The following BCAS3 variants were observed in gnomAD, a reference collection of about 807,000 sequenced individuals.
BCAS3 encodes the protein BCAS4/BCAS3 fusion.
In BCAS3, 53 loss-of-function variants were observed where a neutral mutation model predicts 116.1. That is an observed-to-expected ratio of 0.46 (90% CI 0.37 to 0.57). BCAS3 has a LOEUF of 0.57. Ranked by LOEUF, BCAS3 falls within the 20% of genes least tolerant of loss-of-function variation. BCAS3 has a pLI of 0.00. For missense variants in BCAS3, 917 were observed against 1,165.4 expected, an observed-to-expected ratio of 0.79 and a Z score of 3.10; for synonymous variants, 391 against 408.2, an observed-to-expected ratio of 0.96 and a Z score of 0.51.
chr17:61,183,517 A>C lies in BCAS3; in HGVS notation c.2425+98953A>C, dbSNP rs115350840. ...ACATATGTTTGTTATATTTTTCTAC[A>C]TGATGTTTGTTAAGATGTTTAAAAT... is the stretch of plus-strand genomic sequence containing the variant. On this transcript the variant is annotated intron_variant, in intron 22 of 23. Coordinates refer to ENST00000407086, the MANE Select transcript of BCAS3 (RefSeq NM_017679.5). Among the ~76,000 whole-genome samples, 318 of 152,268 alleles carry C rather than the reference A, an allele frequency of 2.1e-3. 1 individual carries two copies. The highest frequency in any genetic ancestry group is 7.4e-3 in the African/African-American group (308 of 41,564).
chr17:61,124,364 T>A lies in BCAS3; in HGVS notation c.2425+39800T>A, dbSNP rs1487646711. On this transcript the variant is annotated intron_variant, in intron 22 of 23. Transcript: ENST00000407086. This position sits in a 1 kb window ranked among gnomAD's most constrained non-coding sequence, Gnocchi z 4.6. ...AGATATAGCTTTTACTTGATCTGAA[T>A]TTGTCAGTCTATAAAAGTAGGGATT... Among the ~76,000 whole-genome samples the A allele has an allele frequency of 6.6e-6, 1 of 152,156 alleles. No individual in the cohort carries two copies. Among genetic ancestry groups the A allele is most frequent in the Non-Finnish European group, 1.5e-5 (1 of 68,012 alleles).
rs1453856746 is a variant in BCAS3 at position 61,065,677 on chromosome 17, A to G, written c.2030-9243A>G. Among the ~76,000 whole-genome samples the G allele has an allele frequency of 6.6e-6, 1 of 152,172 alleles. No homozygotes were observed. The highest frequency in any genetic ancestry group is 1.5e-5 in the Non-Finnish European group (1 of 68,006). On this transcript the variant is annotated intron_variant, in intron 19 of 23. Transcript: ENST00000407086. The surrounding 1 kb of genome is among the most constrained non-coding windows in gnomAD (Gnocchi z 4.8). Reference sequence around the variant, plus strand: ...AAAACTTTCACGTGCTAAGGGTTTTATTGTTTGTGGAGGAAGGGTGGGGAT... The same window carrying G: ...AAAACTTTCACGTGCTAAGGGTTTTGTTGTTTGTGGAGGAAGGGTGGGGAT...
At position 61,215,099 on chromosome 17, in the gene BCAS3, C is replaced by T. The variant is rs1360771868; in HGVS notation, c.2425+130535C>T. Among the ~76,000 whole-genome samples the T allele has an allele frequency of 1.3e-5, 2 of 152,094 alleles. No individual in the cohort carries two copies. Among genetic ancestry groups the T allele is most frequent in the African/African-American group, 4.8e-5 (2 of 41,398 alleles). On this transcript the variant is annotated intron_variant, in intron 22 of 23. Coordinates refer to ENST00000407086, the MANE Select transcript of BCAS3 (RefSeq NM_017679.5). This position sits in a 1 kb window ranked among gnomAD's most constrained non-coding sequence, Gnocchi z 4.8. Reference sequence around the variant, plus strand: ...CATATTATCTATTATTATAGTTTTTCCTAATCTACCCCTTGACTTAATCTA... The same window carrying T: ...CATATTATCTATTATTATAGTTTTTTCTAATCTACCCCTTGACTTAATCTA...
chr17:60,873,708 G>GA (rs2055334231), intron 8 of BCAS3, among the ~76,000 whole-genome samples: 1 of 152,188 alleles, frequency 6.6e-6, no homozygotes, highest in Non-Finnish European at 1.5e-5. Flanking sequence ...GAGTCAATCA[G>GA]AAATGACTTA....
chr17:61,223,313 C>A (rs1000046407), intron 22 of BCAS3, among the ~76,000 whole-genome samples: 3 of 151,970 alleles, frequency 2.0e-5, no homozygotes, highest in Non-Finnish European at 4.4e-5. Context: ...TGTGCCACCA[C>A]GCCTGGCTAA....
intron 6 of BCAS3, among the ~76,000 whole-genome samples, chr17:60,771,551 A>G (rs1161484458): frequency 7.8e-6 from 1 of 128,756 alleles, no homozygotes; most frequent in Non-Finnish European, 1.5e-5. Context: ...AGTGACGGGT[A>G]TCTTTTTTTT....
rs1474208605 is a variant in BCAS3, at chr17:61,073,109, C to T, written c.2030-1811C>T. On this transcript the variant is annotated intron_variant, in intron 19 of 23. Transcript: ENST00000407086. This position sits in a 1 kb window ranked among gnomAD's most constrained non-coding sequence, Gnocchi z 4.6. Reference sequence around the variant, plus strand: ...TACTTATCAGCCTTTCAATGTATATCAATTATTTCCAAAAGAATGCTGAAA... The same window carrying T: ...TACTTATCAGCCTTTCAATGTATATTAATTATTTCCAAAAGAATGCTGAAA... Among the ~76,000 whole-genome samples the T allele has an allele frequency of 6.6e-6, 1 of 152,152 alleles. No homozygotes were observed. The highest frequency in any genetic ancestry group is 1.5e-5 in the Non-Finnish European group (1 of 68,034).
At chr17:61,038,372 C>T (rs1805701836) in intron 18 of BCAS3, among the ~76,000 whole-genome samples, 1 of 150,642 alleles carries the variant, frequency 6.6e-6, no homozygotes, top group South Asian at 2.1e-4. Flanking sequence ...CCTGCCTCAG[C>T]CACTTGAGTA....
At chr17:60,831,072 G>A (rs1285347922) in intron 7 of BCAS3, among the ~76,000 whole-genome samples, 2 of 151,888 alleles carry the variant, frequency 1.3e-5, no homozygotes, top group South Asian at 2.1e-4. Flanking sequence ...GGCTGGTCTC[G>A]AACTCCTGAA....
chr17:61,195,338 T>C (rs2144251694), intron 22 of BCAS3, among the ~76,000 whole-genome samples: 1 of 152,224 alleles, frequency 6.6e-6, no homozygotes, highest in East Asian at 1.9e-4. Flanking sequence ...ACTGTGCATC[T>C]CTCCACCAGC....
intron 22 of BCAS3, among the ~76,000 whole-genome samples, chr17:61,094,592 A>G (rs1009698145): frequency 2.6e-5 from 4 of 152,238 alleles, no homozygotes; most frequent in African/African-American, 9.6e-5. Context: ...ACACGCGTAT[A>G]ATCCCAGTAC....
Position 61,381,766 on chromosome 17 carries a change from A to G in BCAS3, c.2594-10211A>G, listed in dbSNP as rs975956473. On this transcript the variant is annotated intron_variant, in intron 23 of 23. Transcript: ENST00000407086. The surrounding 1 kb of genome is among the most constrained non-coding windows in gnomAD (Gnocchi z 6.0). ...CAGCATTCTTCAGCACGCAGATGCC[A>G]TGTGTGCCTGTATGTGGTTCTGGTT... Among the ~76,000 whole-genome samples, 47 of 152,176 alleles carry G rather than the reference A, an allele frequency of 3.1e-4. No homozygotes were observed. Among genetic ancestry groups the G allele is most frequent in the African/African-American group, 1.1e-3 (46 of 41,436 alleles).
At chr17:60,818,171 T>A (rs2049608700) in intron 7 of BCAS3, among the ~76,000 whole-genome samples, 1 of 152,094 alleles carries the variant, frequency 6.6e-6, no homozygotes, top group Non-Finnish European at 1.5e-5. Context: ...AGCAAAATAA[T>A]CTTAATAGCT....
chr17:60,982,694 C>T (rs2062885994), intron 14 of BCAS3, among the ~76,000 whole-genome samples: 1 of 151,980 alleles, frequency 6.6e-6, no homozygotes, highest in Admixed American at 6.6e-5. Context: ...ATCTATATTA[C>T]AAAAAACTAT....
Position 61,151,075 on chromosome 17 carries a change from A to C in BCAS3, c.2425+66511A>C, listed in dbSNP as rs542199326. Among the ~76,000 whole-genome samples, 9 of 152,198 alleles carry C rather than the reference A, an allele frequency of 5.9e-5. No homozygotes were observed. Among genetic ancestry groups the C allele is most frequent in the Non-Finnish European group, 1.2e-4 (8 of 68,040 alleles). ...CTTCCAACTTCTCATTTAAAGCTAC[A>C]ATGACCACAACTACTGCAATGACTG... On this transcript the variant is annotated intron_variant, in intron 22 of 23. Transcript: ENST00000407086. The surrounding 1 kb of genome is among the most constrained non-coding windows in gnomAD (Gnocchi z 4.8).
intron 8 of BCAS3, among the ~76,000 whole-genome samples, chr17:60,871,438 A>G (rs2055092658): frequency 6.6e-6 from 1 of 152,186 alleles, no homozygotes; most frequent in Non-Finnish European, 1.5e-5. Flanking sequence ...GATTAGAGGC[A>G]TGAGCCACTG....
At chr17:60,757,208 T>TG (rs1224284891) in intron 6 of BCAS3, among the ~76,000 whole-genome samples, 1 of 150,466 alleles carries the variant, frequency 6.6e-6, no homozygotes, top group Admixed American at 6.6e-5. Context: ...ATTAGCCACT[T>TG]GGGGGGCTGA....
rs2054658755 is a variant in BCAS3, at chr17:61,315,564, G to A, written c.2426-52763G>A. Among the ~76,000 whole-genome samples the A allele has an allele frequency of 1.3e-5, 2 of 152,198 alleles. No individual in the cohort carries two copies. Among genetic ancestry groups the A allele is most frequent in the Admixed American group, 6.5e-5 (1 of 15,282 alleles). On this transcript the variant is annotated intron_variant, in intron 22 of 23. Coordinates refer to ENST00000407086, the MANE Select transcript of BCAS3 (RefSeq NM_017679.5). This position sits in a 1 kb window ranked among gnomAD's most constrained non-coding sequence, Gnocchi z 5.3. Reference sequence around the variant, plus strand: ...GGTTGCACAGCGTCGCTGGTTAATGGCAAAGCCCAGGTATGGGCCAGTGAA... The same window carrying A: ...GGTTGCACAGCGTCGCTGGTTAATGACAAAGCCCAGGTATGGGCCAGTGAA...
intron 15 of BCAS3, chr17:61,003,755 T>G (rs543937106): frequency 6.6e-6 from 1 of 152,306 alleles, no homozygotes; most frequent in South Asian, 2.1e-4. Context: ...ATTTTTACAT[T>G]CTATTATTTA....
Sources: allele counts gnomAD v4.1 joint callset (sites outside exome capture counted in the v4.1 genomes callset), GRCh38; gene constraint gnomAD v4.1.1; non-coding constraint Gnocchi (gnomAD v3.1); transcripts MANE v1.5; gene names NCBI Gene and HGNC (gene_info 2026-07-23, HGNC 2026-07-21).